Variants in WIPF1 observed in about 807,000 individuals in gnomAD.
The protein encoded by WIPF1 is WAS/WASL interacting protein family member 1.
A neutral mutation model predicts 35.4 loss-of-function variants in WIPF1; 13 were observed. The observed-to-expected ratio is 0.37, with a 90% confidence interval of 0.24 to 0.58. The LOEUF (loss-of-function observed/expected upper bound fraction) is 0.58, where lower values mean the gene tolerates loss of function less well. Among genes scored for constraint, WIPF1 ranks in the 20% least tolerant of loss-of-function variants. The pLI, the probability that WIPF1 is intolerant of heterozygous loss-of-function variation, is 0.74. For missense variants in WIPF1, 591 were observed against 667.0 expected, an observed-to-expected ratio of 0.89 and a Z score of 1.25; for synonymous variants, 267 against 266.3, an observed-to-expected ratio of 1.00 and a Z score of -0.02.
At chr2:174,647,787 T>TA (rs1377683377) in intron 1 of WIPF1, among the ~76,000 whole-genome samples, 1 of 151,992 alleles carries the variant, frequency 6.6e-6, no homozygotes. Context: ...GCCATGAAGG[T>TA]AGGTAGAGGA....
chr2:174,571,430 C>T lies in WIPF1; in HGVS notation c.1129+246G>A. 1.6e-6 allele frequency: 1 copy of T among 624,910 alleles called. No individual in the cohort carries two copies. Among genetic ancestry groups the T allele is most frequent in the East Asian group, 2.7e-5 (1 of 36,694 alleles). 38.7% of individuals were successfully genotyped at this position (624,910 alleles called of 1,614,324 possible). ...CTTGCCTCTTCTTTATTAACTAGCT[C>T]GTGACCATTTAACTTTATTAGCTAC... On this transcript the variant is annotated intron_variant, in intron 5 of 7. Coordinates refer to ENST00000679041, the MANE Select transcript of WIPF1 (RefSeq NM_001375834.1). This position sits in a 1 kb window ranked among gnomAD's most constrained non-coding sequence, Gnocchi z 4.6.
intron 6 of WIPF1, 53 bp from the exon 7 acceptor site, chr2:174,567,236 C>G: frequency 6.6e-7 from 1 of 1,507,176 alleles, no homozygotes; most frequent in Non-Finnish European, 9.2e-7. Flanking sequence ...GCTATGAAGA[C>G]TTACGTAACG....
chr2:174,634,336 A>G (rs1245335761), intron 1 of WIPF1, among the ~76,000 whole-genome samples: 1 of 152,252 alleles, frequency 6.6e-6, no homozygotes, highest in Non-Finnish European at 1.5e-5. Context: ...CATTTTCACC[A>G]TAATGGCTCA....
intron 1 of WIPF1, among the ~76,000 whole-genome samples, chr2:174,592,080 C>T (rs1247431735): frequency 1.3e-5 from 2 of 152,142 alleles, no homozygotes; most frequent in Non-Finnish European, 2.9e-5. Context: ...AGACTCATCC[C>T]TGAATGTAAA....
chr2:174,682,720 C>G (rs1169130391), intron 1 of WIPF1: 1 of 151,686 alleles, frequency 6.6e-6, no homozygotes, highest in African/African-American at 2.4e-5. Context: ...GGCGTCTCCC[C>G]CGGCCCCCGG....
intron 1 of WIPF1, among the ~76,000 whole-genome samples, chr2:174,664,604 T>C (rs1030620947): frequency 6.6e-6 from 1 of 152,222 alleles, no homozygotes; most frequent in African/African-American, 2.4e-5. Context: ...TGGTGGCCAG[T>C]GTCGGGCTCG....
At chr2:174,602,353 T>C (rs1388407863), upstream of WIPF1, among the ~76,000 whole-genome samples, 2 of 152,248 alleles carry the variant, frequency 1.3e-5, no homozygotes, top group African/African-American at 4.8e-5. Flanking sequence ...AACAGTGGCA[T>C]GTGTAAAATA....
At chr2:174,676,711 T>C (rs1046576434) in intron 1 of WIPF1, 1 of 152,200 alleles carries the variant, frequency 6.6e-6, no homozygotes, top group Non-Finnish European at 1.5e-5. Flanking sequence ...GTGAATCAGA[T>C]ACAGGTATTA....
intron 1 of WIPF1, among the ~76,000 whole-genome samples, chr2:174,661,535 T>C (rs192284838): frequency 7.9e-5 from 12 of 152,276 alleles, no homozygotes; most frequent in Admixed American, 6.5e-4. Context: ...ATCTCAGCTC[T>C]AGAAGCACTG....
chr2:174,643,354 C>T (rs1687338362), intron 1 of WIPF1, among the ~76,000 whole-genome samples: 1 of 149,480 alleles, frequency 6.7e-6, no homozygotes, highest in Non-Finnish European at 1.5e-5. Flanking sequence ...TAGCCTCCCA[C>T]TATCACGATG....
At position 174,571,457 on chromosome 2, in the gene WIPF1, CAG is replaced by C; in HGVS notation, c.1129+217_1129+218del. The C allele has an allele frequency of 1.5e-6, 1 of 655,278 alleles. No individual in the cohort carries two copies. The highest frequency in any genetic ancestry group is 2.7e-5 in the East Asian group (1 of 36,984). The allele number at this position is 655,278 out of a possible 1,614,324, so 40.6% of individuals were successfully genotyped here. A position where few individuals can be genotyped will look rare whatever the true frequency, so the allele number is the denominator to read the frequency against. Reference sequence around the variant, plus strand: ...TGACCATTTAACTTTATTAGCTACTCAGTGTCCTCATCTCTAAAACACCAACA... The same window carrying C: ...TGACCATTTAACTTTATTAGCTACTCTGTCCTCATCTCTAAAACACCAACA... On this transcript the variant is annotated intron_variant, in intron 5 of 7. Transcript: ENST00000679041. This position sits in a 1 kb window ranked among gnomAD's most constrained non-coding sequence, Gnocchi z 4.6.
rs976499495 is a variant in WIPF1 at position 174,651,058 on chromosome 2, C to T, written c.-39+31716G>A. On this transcript the variant is annotated intron_variant, in intron 1 of 8. Coordinates refer to the WIPF1 transcript ENST00000272746. ...AAAAAGTTTTCTCCACACAACTTCT[C>T]GGAAGAGATCTGCCCTGTGATCTGC... Among the ~76,000 whole-genome samples the T allele has an allele frequency of 5.9e-5, 9 of 152,348 alleles. No individual in the cohort carries two copies. In the South Asian group the frequency reaches 1.2e-3, roughly 21 times the overall value.
chr2:174,632,807 C>T (rs1385375422), intron 1 of WIPF1, among the ~76,000 whole-genome samples: 1 of 150,680 alleles, frequency 6.6e-6, no homozygotes, highest in Non-Finnish European at 1.5e-5. Context: ...CTGTGAGCAG[C>T]AGATTTGCAG....
At chr2:174,605,891 A>G (rs1173743176) in intron 1 of WIPF1, among the ~76,000 whole-genome samples, 1 of 152,186 alleles carries the variant, frequency 6.6e-6, no homozygotes, top group Non-Finnish European at 1.5e-5. Context: ...CTTATCCACT[A>G]GAGGCTGTTA....
chr2:174,607,267 G>A (rs888455676), intron 1 of WIPF1, among the ~76,000 whole-genome samples: 2 of 152,082 alleles, frequency 1.3e-5, no homozygotes, highest in African/African-American at 2.4e-5. Context: ...GCTGGGCGTG[G>A]TGGCGGGCGC....
upstream of WIPF1, among the ~76,000 whole-genome samples, chr2:174,599,797 CT>C (rs1685938107): frequency 1.3e-5 from 2 of 149,284 alleles, no homozygotes; most frequent in African/African-American, 5.1e-5. Context: ...CACACACTCT[CT>C]CTCTCTCTCT....
intron 2 of WIPF1, among the ~76,000 whole-genome samples, chr2:174,582,773 A>G (rs1205367349): frequency 6.6e-6 from 1 of 152,220 alleles, no homozygotes; most frequent in Non-Finnish European, 1.5e-5. Flanking sequence ...AACTCAGAAA[A>G]ACCCTGAAGT....
At chr2:174,593,909 C>T (rs1214047184) in intron 1 of WIPF1, among the ~76,000 whole-genome samples, 1 of 152,140 alleles carries the variant, frequency 6.6e-6, no homozygotes, top group Non-Finnish European at 1.5e-5. Context: ...GCCATGGATA[C>T]AAGAGGGGAA....
chr2:174,657,910 C>CA (rs56717056), intron 1 of WIPF1, among the ~76,000 whole-genome samples: 2,205 of 95,810 alleles, frequency 0.023, 33 homozygotes, highest in African/African-American at 0.034. Context: ...AACTCTGTCT[C>CA]AAAAAAAAAA....
Sources: allele counts gnomAD v4.1 joint callset (sites outside exome capture counted in the v4.1 genomes callset), GRCh38; gene constraint gnomAD v4.1.1; non-coding constraint Gnocchi (gnomAD v3.1); transcripts MANE v1.5; gene names NCBI Gene and HGNC (gene_info 2026-07-23, HGNC 2026-07-21).